Variants in SLC44A5 observed in about 807,000 individuals in gnomAD.
SLC44A5 encodes the protein solute carrier family 44 member 5.
In SLC44A5, 57 loss-of-function variants were observed where a neutral mutation model predicts 101.8. The observed-to-expected ratio is 0.56, with a 90% CI of 0.45 to 0.70. The LOEUF is 0.70. SLC44A5 is among the 30% of genes least tolerant of loss of function. SLC44A5 has a pLI of 0.00. For missense variants in SLC44A5, 737 were observed against 853.1 expected (o/e 0.86, Z 1.70); for synonymous variants, 281 against 290.9 (o/e 0.97, Z 0.35).
the SLC44A5 span, among the ~76,000 whole-genome samples, chr1:75,714,902 G>A: frequency 1.3e-5 from 2 of 152,136 alleles, no homozygotes; most frequent in African/African-American, 4.8e-5. Flanking sequence ...TCAAACTCCT[G>A]ACCTCAGGTG....
the SLC44A5 span, among the ~76,000 whole-genome samples, chr1:75,691,807 C>T: frequency 6.6e-6 from 1 of 152,160 alleles, no homozygotes; most frequent in Non-Finnish European, 1.5e-5. Flanking sequence ...AGAGAAAGAT[C>T]TGGTCTTTCT....
intron 2 of SLC44A5, among the ~76,000 whole-genome samples, chr1:75,504,976 T>G (rs185004861): frequency 2.6e-5 from 4 of 152,072 alleles, no homozygotes; most frequent in African/African-American, 9.6e-5. Context: ...AATAGAGTGG[T>G]TTTTCAGCTC....
intron 2 of SLC44A5, among the ~76,000 whole-genome samples, chr1:75,513,669 A>G (rs1010186469): frequency 4.6e-5 from 7 of 152,230 alleles, no homozygotes; most frequent in Non-Finnish European, 7.3e-5. Context: ...CTATGCACCA[A>G]TCTTGATTGG....
At chr1:75,245,576 T>C (rs1350583871) in intron 7 of SLC44A5, among the ~76,000 whole-genome samples, 1 of 152,108 alleles carries the variant, frequency 6.6e-6, no homozygotes, top group African/African-American at 2.4e-5. Context: ...GAACTAATGC[T>C]TTCACAGGCT....
At chr1:75,464,375 T>A (rs757992575) in intron 2 of SLC44A5, among the ~76,000 whole-genome samples, 1 of 152,022 alleles carries the variant, frequency 6.6e-6, no homozygotes, top group Non-Finnish European at 1.5e-5. Flanking sequence ...TAAGATAGTA[T>A]TTGCAAGCCT....
At chr1:75,418,598 A>G (rs2101547652) in intron 2 of SLC44A5, among the ~76,000 whole-genome samples, 1 of 152,246 alleles carries the variant, frequency 6.6e-6, no homozygotes. Context: ...GAGGAATAAA[A>G]GGATTTAGCC....
rs907028864 is a variant in SLC44A5, at chr1:75,352,439, T to TG, written c.53-12810_53-12809insC. On this transcript the variant is annotated intron_variant, in intron 3 of 23. Transcript: ENST00000370859. ...CTCATTGGAGAACTTCTGTTTTTTG[T>TG]TTTTTTTTTAAAGACAAAACTTTAT... 6.0e-5 allele frequency among the ~76,000 whole-genome samples: 9 copies of TG among 149,950 alleles called. No individual in the cohort carries two copies. In the South Asian group the frequency reaches 8.4e-4, roughly 14 times the overall value.
intron 2 of SLC44A5, among the ~76,000 whole-genome samples, chr1:75,418,044 C>T (rs1663770294): frequency 6.6e-6 from 1 of 152,196 alleles, no homozygotes; most frequent in African/African-American, 2.4e-5. Flanking sequence ...ACCCCTCACA[C>T]CAAACTTCAT....
chr1:75,481,261 G>T (rs1667827001), intron 2 of SLC44A5, among the ~76,000 whole-genome samples: 1 of 152,142 alleles, frequency 6.6e-6, no homozygotes, highest in African/African-American at 2.4e-5. Flanking sequence ...ATTCAAGATG[G>T]ATTAAAGACT....
At chr1:75,665,502 T>C in the SLC44A5 span, among the ~76,000 whole-genome samples, 1 of 152,162 alleles carries the variant, frequency 6.6e-6, no homozygotes, top group Middle Eastern at 3.2e-3. Context: ...ATAAAAATCC[T>C]AGAAGAAAAC....
intron 2 of SLC44A5, among the ~76,000 whole-genome samples, chr1:75,406,199 C>T (rs563671747): frequency 3.1e-4 from 47 of 152,160 alleles, no homozygotes; most frequent in African/African-American, 8.9e-4. Context: ...ATAACAAGTT[C>T]GGAAGTTGAG....
At chr1:75,393,747 CT>C (rs1661947439) in intron 3 of SLC44A5, among the ~76,000 whole-genome samples, 1 of 152,126 alleles carries the variant, frequency 6.6e-6, no homozygotes, top group Non-Finnish European at 1.5e-5. Flanking sequence ...ACAGATTTGT[CT>C]GATTATTTTG....
intron 5 of SLC44A5, among the ~76,000 whole-genome samples, chr1:75,288,347 A>G (rs920981172): frequency 6.6e-6 from 1 of 152,160 alleles, no homozygotes; most frequent in Non-Finnish European, 1.5e-5. Context: ...ACATCTATTT[A>G]CCTTAGTTCT....
intron 3 of SLC44A5, among the ~76,000 whole-genome samples, chr1:75,376,177 GA>G (rs1296639846): frequency 6.6e-6 from 1 of 152,262 alleles, no homozygotes; most frequent in Non-Finnish European, 1.5e-5. Context: ...ACCTGGCTCA[GA>G]GGGTCCTACG....
At chr1:75,710,416 T>G in the SLC44A5 span, 1 of 151,456 alleles carries the variant, frequency 6.6e-6, no homozygotes, top group Non-Finnish European at 1.5e-5. Flanking sequence ...ATTAAAAAAT[T>G]AGCCAGAAGT....
At chr1:75,391,765 G>T (rs1661804727) in intron 3 of SLC44A5, among the ~76,000 whole-genome samples, 1 of 152,114 alleles carries the variant, frequency 6.6e-6, no homozygotes, top group Admixed American at 6.6e-5. Context: ...CAAACTATAA[G>T]AATACTAGAA....
At chr1:75,718,839 C>A in the SLC44A5 span, among the ~76,000 whole-genome samples, 1 of 152,158 alleles carries the variant, frequency 6.6e-6, no homozygotes, top group Non-Finnish European at 1.5e-5. Context: ...TTGTTTTGAG[C>A]TCTTTATAAC....
At chr1:75,693,177 G>A in the SLC44A5 span, among the ~76,000 whole-genome samples, 1 of 152,276 alleles carries the variant, frequency 6.6e-6, no homozygotes, top group Admixed American at 6.5e-5. Context: ...ATCAAATGGA[G>A]GCTGGACAGT....
At chr1:75,468,643 AGAG>A (rs1244361776) in intron 2 of SLC44A5, among the ~76,000 whole-genome samples, 1 of 152,146 alleles carries the variant, frequency 6.6e-6, no homozygotes, top group Non-Finnish European at 1.5e-5. Context: ...ATGTTGATAG[AGAG>A]GAGAAGGATG....
Sources: gnomAD v4.1 joint callset for allele counts (sites outside exome capture counted in the v4.1 genomes callset) on GRCh38, gnomAD v4.1.1 for gene constraint, MANE v1.5 for transcripts, NCBI Gene and HGNC (gene_info 2026-07-23, HGNC 2026-07-21) for gene names.